The following SDK1 variants were observed in gnomAD, a reference collection of about 807,000 sequenced individuals.
The protein encoded by SDK1 is protein sidekick-1.
In SDK1, 157 loss-of-function variants were observed where a neutral mutation model predicts 245.5. The observed-to-expected ratio is 0.64, with a 90% CI of 0.56 to 0.73. The LOEUF (loss-of-function observed/expected upper bound fraction) is 0.73, where lower values mean the gene tolerates loss of function less well. Among genes scored for constraint, SDK1 ranks in the 30% least tolerant of loss-of-function variants. The pLI is 0.00. For synonymous variants in SDK1, 1,647 were observed against 1,278.5 expected (o/e 1.29, Z -6.15); for missense variants, 3,583 against 3,002.3 (o/e 1.19, Z -4.52).
At chr7:3,329,446 G>C (rs1412600020) in intron 1 of SDK1, among the ~76,000 whole-genome samples, 1 of 152,148 alleles carries the variant, frequency 6.6e-6, no homozygotes, top group Non-Finnish European at 1.5e-5. Context: ...TTAGAGTTCA[G>C]AGTTGTGCAA....
intron 1 of SDK1, among the ~76,000 whole-genome samples, chr7:3,615,879 C>CTTT (rs200942027): frequency 7.2e-6 from 1 of 138,496 alleles, no homozygotes; most frequent in African/African-American, 2.5e-5. Flanking sequence ...TTTTTGCTGT[C>CTTT]TTTTTTTTTT....
chr7:3,392,168 AACAG>A (rs1446286378), intron 1 of SDK1, among the ~76,000 whole-genome samples: 6 of 152,128 alleles, frequency 3.9e-5, no homozygotes, highest in Non-Finnish European at 7.4e-5. Flanking sequence ...ACCTTTGCAT[AACAG>A]ACATTTTCAA....
At chr7:3,336,569 G>C (rs1185937097) in intron 1 of SDK1, among the ~76,000 whole-genome samples, 1 of 152,122 alleles carries the variant, frequency 6.6e-6, no homozygotes, top group Non-Finnish European at 1.5e-5. Context: ...TGGCAAATGA[G>C]GTATGGAGGA....
intron 1 of SDK1, among the ~76,000 whole-genome samples, chr7:3,589,143 T>C (rs188834065): frequency 7.2e-5 from 11 of 152,356 alleles, no homozygotes; most frequent in African/African-American, 2.4e-4. Context: ...TCACAGTTAA[T>C]GTGGGCCTTT....
Position 4,011,012 on chromosome 7 carries a change from A to T in SDK1, c.2178A>T (p.Thr726=). Residue 726 remains threonine (T), a synonymous_variant, in exon 15 of 45, where the codon ACA becomes ACT. Transcript: ENST00000404826. ...VHLSNVGPEM[T]GVTVSGLTPA... ...TGTCAAACGTTGGCCCTGAGATGAC[A>T]GGCGTCACCGTGAGTGGCCTGACTC... 1 of 1,614,192 alleles carries T rather than the reference A, an allele frequency of 6.2e-7. No homozygotes were observed.
intron 1 of SDK1, among the ~76,000 whole-genome samples, chr7:3,422,887 G>A (rs1583834692): frequency 6.6e-6 from 1 of 152,152 alleles, no homozygotes; most frequent in Non-Finnish European, 1.5e-5. Context: ...ATTGAATGTT[G>A]CAAGGCCTTT....
At chr7:4,175,745 A>G (rs1470709674) in intron 33 of SDK1, 30 bp from the exon 34 acceptor site, 3 of 1,603,450 alleles carry the variant, frequency 1.9e-6, no homozygotes, top group Non-Finnish European at 1.7e-6. Flanking sequence ...CTGCGTGCTA[A>G]CCACCTTTCT....
intron 5 of SDK1, among the ~76,000 whole-genome samples, chr7:3,839,750 A>G (rs992816902): frequency 2.0e-5 from 3 of 152,252 alleles, no homozygotes; most frequent in African/African-American, 4.8e-5. Flanking sequence ...GTCACAATGT[A>G]TAATGATGTG....
intron 1 of SDK1, among the ~76,000 whole-genome samples, chr7:3,546,325 G>T (rs139709137): frequency 1.3e-5 from 2 of 152,346 alleles, no homozygotes; most frequent in African/African-American, 4.8e-5. Context: ...CCATATGACA[G>T]TAGGTCTCTC....
intron 1 of SDK1, among the ~76,000 whole-genome samples, chr7:3,596,082 T>C (rs1306693327): frequency 6.6e-6 from 1 of 151,976 alleles, no homozygotes; most frequent in Non-Finnish European, 1.5e-5. Context: ...GTAGCACAGA[T>C]TAATTATCCT....
chr7:4,193,951 C>T (rs139462054), intron 35 of SDK1, among the ~76,000 whole-genome samples: 1,541 of 152,214 alleles, frequency 0.01, 25 homozygotes, highest in African/African-American at 0.034. Flanking sequence ...GAATCAGGAG[C>T]GTCAAATGCA....
intron 36 of SDK1, among the ~76,000 whole-genome samples, chr7:4,206,464 G>A (rs984975118): frequency 2.0e-5 from 3 of 152,172 alleles, no homozygotes; most frequent in African/African-American, 4.8e-5. Flanking sequence ...GGTGGGGCCC[G>A]CCAGTCTCAT....
At chr7:4,037,156 G>A (rs57214581) in intron 17 of SDK1, among the ~76,000 whole-genome samples, 4,085 of 152,228 alleles carry the variant, frequency 0.027, 158 homozygotes, top group African/African-American at 0.086. Context: ...AAATTTAAAC[G>A]TTTCTGCTTT....
At position 4,047,954 on chromosome 7, in the gene SDK1, C is replaced by G. The variant is rs1047723910; in HGVS notation, c.2603-1394C>G. 2.6e-5 allele frequency among the ~76,000 whole-genome samples: 4 copies of G among 152,178 alleles called. No homozygotes were observed. In the East Asian group the frequency reaches 7.7e-4, roughly 29 times the overall value. On this transcript the variant is annotated intron_variant, in intron 17 of 44. Coordinates refer to ENST00000404826, the MANE Select transcript of SDK1 (RefSeq NM_152744.4). ...TACAGGATGGCAAGTAGGGCAGTTT[C>G]CTGGTGACTTAGAGAGGGGGCCGAG...
chr7:4,161,749 C>T (rs1293952991), intron 31 of SDK1, 37 bp from the exon 32 acceptor site: 3 of 1,582,668 alleles, frequency 1.9e-6, no homozygotes, highest in Non-Finnish European at 2.6e-6. Context: ...ACATAACAAC[C>T]ACCCTGACCC....
chr7:3,986,658 A>G (rs1327215630), intron 13 of SDK1, among the ~76,000 whole-genome samples: 1 of 152,170 alleles, frequency 6.6e-6, no homozygotes, highest in East Asian at 1.9e-4. Flanking sequence ...CAGGAGTTCA[A>G]GACCAACCTG....
At chr7:3,879,271 C>G (rs915996239) in intron 5 of SDK1, among the ~76,000 whole-genome samples, 1 of 152,184 alleles carries the variant, frequency 6.6e-6, no homozygotes, top group Non-Finnish European at 1.5e-5. Flanking sequence ...TGGCCTAAAA[C>G]CAAATGCTTT....
intron 1 of SDK1, among the ~76,000 whole-genome samples, chr7:3,487,814 C>T (rs905117159): frequency 4.7e-5 from 7 of 149,056 alleles, no homozygotes; most frequent in African/African-American, 1.5e-4. Context: ...CTCCAAAGCT[C>T]AGCCCAACAA....
chr7:4,078,777 C>T (rs1037003880), intron 21 of SDK1, among the ~76,000 whole-genome samples: 16 of 152,180 alleles, frequency 1.1e-4, no homozygotes, highest in African/African-American at 3.6e-4. Context: ...TAGGAGTAGG[C>T]TTGAGCCACG....
Sources: allele counts gnomAD v4.1 joint callset (sites outside exome capture counted in the v4.1 genomes callset), GRCh38; gene constraint gnomAD v4.1.1; transcripts MANE v1.5; gene names NCBI Gene and HGNC (gene_info 2026-07-23, HGNC 2026-07-21).